Variants in BAHCC1 observed in about 807,000 individuals in gnomAD.
The protein encoded by BAHCC1 is BAH domain and coiled-coil containing 1, also known as BAH and coiled-coil domain-containing protein 1.
In BAHCC1, 43 loss-of-function variants were observed where a neutral mutation model predicts 88.2. That is an observed-to-expected ratio of 0.49 (90% CI 0.38 to 0.63). BAHCC1 has a LOEUF of 0.63. BAHCC1 is among the 20% of genes least tolerant of loss of function. The pLI, the probability that BAHCC1 is intolerant of heterozygous loss-of-function variation, is 0.00. For missense variants in BAHCC1, 3,023 were observed against 1,654.8 expected, an observed-to-expected ratio of 1.83 and a Z score of -14.34; for synonymous variants, 1,510 against 745.5, an observed-to-expected ratio of 2.03 and a Z score of -16.71.
rs782638151 is a variant in BAHCC1, at chr17:81,451,661, C to T, written c.3977-7C>T. ...TATGCCCATGCTGACCTTCCCATGCCGCACAGAGGAGGAAGAGGACGTGCT... is the reference window on the plus strand; with the variant it reads ...TATGCCCATGCTGACCTTCCCATGCTGCACAGAGGAGGAAGAGGACGTGCT... On this transcript the variant is annotated splice_polypyrimidine_tract_variant and splice_region_variant and intron_variant, in intron 11 of 27. Coordinates refer to ENST00000675386, the MANE Select transcript of BAHCC1 (RefSeq NM_001377448.1). 3.2e-5 allele frequency: 25 copies of T among 773,920 alleles called. No homozygotes were observed. Among genetic ancestry groups the T allele is most frequent in the South Asian group, 1.3e-4 (10 of 74,336 alleles). 47.9% of individuals were successfully genotyped at this position (773,920 alleles called of 1,614,324 possible).
In BAHCC1 at chr17:81,459,328, G is replaced by C; in HGVS notation, c.5796G>C (p.Ala1932=). ...IYSLEQLLQE[A]VLDVRPQSSR... is the part of the protein sequence containing the mutation. ...CACTGGAGCAGCTGCTGCAGGAAGC[G>C]GTGAGGACCGGGCCGGCCCGCCCCG... The change falls in exon 22 of 28, where the codon GCG becomes GCC. Residue 1932 remains alanine (A), a splice_region_variant and synonymous_variant. Transcript: ENST00000675386. 1 of 778,416 alleles carries C rather than the reference G, an allele frequency of 1.3e-6. No homozygotes were observed. Among genetic ancestry groups the C allele is most frequent in the Non-Finnish European group, 2.4e-6 (1 of 417,384 alleles). The allele number at this position is 778,416 out of a possible 1,614,324, so 48.2% of individuals were successfully genotyped here. A position where few individuals can be genotyped will look rare whatever the true frequency, so the allele number is the denominator to read the frequency against.
At chr17:81,431,607 A>C (rs900991991) in intron 3 of BAHCC1, among the ~76,000 whole-genome samples, 69 of 152,316 alleles carry the variant, frequency 4.5e-4, no homozygotes, top group African/African-American at 1.4e-3. Context: ...CAGGGTTCCC[A>C]GGACCAGCCC....
chr17:81,423,025 C>T (rs1555649781), intron 2 of BAHCC1, among the ~76,000 whole-genome samples: 2 of 152,190 alleles, frequency 1.3e-5, no homozygotes, highest in African/African-American at 4.8e-5. Flanking sequence ...GGCCCCGGCC[C>T]ATGGCAGTCC....
chr17:81,411,266 G>T lies in BAHCC1; in HGVS notation c.178+11349G>T. 2.1e-6 allele frequency: 1 copy of T among 477,520 alleles called. No individual in the cohort carries two copies. Among genetic ancestry groups the T allele is most frequent in the Non-Finnish European group, 4.2e-6 (1 of 239,662 alleles). The allele number at this position is 477,520 out of a possible 1,614,324, so 29.6% of individuals were successfully genotyped here. The stretch of plus-strand genomic sequence containing the variant: ...CCCCAGTTGAGCAGCTCCCCTTCTC[G>T]GCAGCTCCCAAACCCTGACCCCAGA... On this transcript the variant is annotated intron_variant, in intron 2 of 27. Transcript: ENST00000675386. This position sits in a 1 kb window ranked among gnomAD's most constrained non-coding sequence, Gnocchi z 6.2.
chr17:81,458,732 GC>G lies in BAHCC1; in HGVS notation c.5448+13del, dbSNP rs564545585. 1.0e-4 allele frequency: 74 copies of G among 736,962 alleles called. 1 individual carries two copies. In the Middle Eastern group the frequency reaches 1.6e-3, roughly 16 times the overall value. 45.7% of individuals were successfully genotyped at this position (736,962 alleles called of 1,614,324 possible). A position where few individuals can be genotyped will look rare whatever the true frequency, so the allele number is the denominator to read the frequency against. On this transcript the variant is annotated splice_region_variant and intron_variant, in intron 19 of 27. Coordinates refer to ENST00000675386, the MANE Select transcript of BAHCC1 (RefSeq NM_001377448.1). ...GCACAAGGCCGGCAAGCAGGTAGCA[GC>G]CCCCCACTCTGGGAGCCCACTGTGC...
At chr17:81,427,937 CCT>C (rs1440031762) in intron 3 of BAHCC1, among the ~76,000 whole-genome samples, 2 of 152,228 alleles carry the variant, frequency 1.3e-5, no homozygotes, top group African/African-American at 2.4e-5. Context: ...AGCAGAGAAA[CCT>C]CTCTTTGTGC....
Position 81,398,111 on chromosome 17 carries a change from C to T in BAHCC1, c.-206-1423C>T, listed in dbSNP as rs1036749718. On this transcript the variant is annotated intron_variant, in intron 1 of 27. Transcript: ENST00000675386. ...AAAACACAAGGTTTTCCGCAAAGTT[C>T]CTAATTAGGAATATCAAGCCTATCC... 2.0e-5 allele frequency among the ~76,000 whole-genome samples: 3 copies of T among 152,258 alleles called. No individual in the cohort carries two copies. In the East Asian group the frequency reaches 5.8e-4, roughly 29 times the overall value.
intron 2 of BAHCC1, chr17:81,402,436 G>C (rs1268879817): frequency 6.6e-6 from 1 of 152,228 alleles, no homozygotes; most frequent in African/African-American, 2.4e-5. Flanking sequence ...CTAGTTTAGA[G>C]AGAAAAAAGC....
Position 81,413,934 on chromosome 17 carries a change from G to A in BAHCC1, c.179-12866G>A, listed in dbSNP as rs189984496. 4.7e-3 allele frequency among the ~76,000 whole-genome samples: 721 copies of A among 152,326 alleles called. 5 individuals carry two copies. Among genetic ancestry groups the A allele is most frequent in the African/African-American group, 0.017 (690 of 41,578 alleles). ...CTGCCTGGGTGGGGTCCGCAGGTGCGTCAGCCACCCCGGGGGCTCCCCCAG... is the reference window on the plus strand; with the variant it reads ...CTGCCTGGGTGGGGTCCGCAGGTGCATCAGCCACCCCGGGGGCTCCCCCAG... On this transcript the variant is annotated intron_variant, in intron 2 of 27. Coordinates refer to ENST00000675386, the MANE Select transcript of BAHCC1 (RefSeq NM_001377448.1).
intron 14 of BAHCC1, among the ~76,000 whole-genome samples, chr17:81,453,935 G>A (rs1290831587): frequency 3.9e-5 from 6 of 152,260 alleles, no homozygotes; most frequent in African/African-American, 1.2e-4. Flanking sequence ...CTTCCTGCCT[G>A]GCCCCTCAGG....
In BAHCC1 at chr17:81,459,158, C is replaced by T. The variant is rs1267154293; in HGVS notation, c.5710C>T (p.Pro1904Ser). 2.6e-6 allele frequency: 2 copies of T among 769,192 alleles called. No individual in the cohort carries two copies. The highest frequency in any genetic ancestry group is 1.4e-5 in the South Asian group (1 of 73,384). 47.6% of individuals were successfully genotyped at this position (769,192 alleles called of 1,614,324 possible). The change falls in exon 21 of 28, where the codon CCA (proline) becomes TCA (serine). Residue 1904 changes from proline (P) to serine (S), a missense_variant. Transcript: ENST00000675386. The stretch of plus-strand genomic sequence containing the variant: ...CGCGGGCAGCGTCAGGACCCTGCAG[C>T]CACCCGACATGTGAGGCCTGGGCAT... ...LYAGSVRTLQ[P>S]PDIYSIVIEG...
chr17:81,408,169 C>G (rs560469794), intron 2 of BAHCC1, among the ~76,000 whole-genome samples: 17 of 152,332 alleles, frequency 1.1e-4, no homozygotes, highest in South Asian at 1.0e-3. Context: ...AGCTCTTGCT[C>G]GGCAGGAGGA....
chr17:81,449,644 C>T (rs1400400116), intron 11 of BAHCC1, among the ~76,000 whole-genome samples: 1 of 152,046 alleles, frequency 6.6e-6, no homozygotes, highest in African/African-American at 2.4e-5. Flanking sequence ...GATGTGCCTC[C>T]CCGGCTGCTG....
At chr17:81,421,314 C>G (rs2064113130) in intron 2 of BAHCC1, among the ~76,000 whole-genome samples, 1 of 152,240 alleles carries the variant, frequency 6.6e-6, no homozygotes, top group African/African-American at 2.4e-5. Flanking sequence ...GGCACAGGCT[C>G]TGTCTGGGGT....
At chr17:81,409,722 G>A (rs901680251) in intron 2 of BAHCC1, among the ~76,000 whole-genome samples, 26 of 152,184 alleles carry the variant, frequency 1.7e-4, no homozygotes, top group South Asian at 2.1e-4. Flanking sequence ...GGAGAAGGCC[G>A]GGTGTGAATC....
intron 26 of BAHCC1, among the ~76,000 whole-genome samples, chr17:81,462,339 T>C (rs1598518876): frequency 6.6e-6 from 1 of 152,286 alleles, no homozygotes; most frequent in Non-Finnish European, 1.5e-5. Flanking sequence ...CGTTGATAAG[T>C]GGCGTGGCCA....
intron 1 of BAHCC1, chr17:81,396,318 G>C (rs1301636388): frequency 3.3e-5 from 5 of 152,192 alleles, no homozygotes; most frequent in Non-Finnish European, 7.4e-5. Flanking sequence ...GTGGAGGAGG[G>C]GGACCGAGCA....
chr17:81,463,055 C>A (rs1244048744), intron 27 of BAHCC1, 79 bp downstream of exon 27: 2 of 697,876 alleles, frequency 2.9e-6, no homozygotes, highest in Non-Finnish European at 5.3e-6. Flanking sequence ...GCACTGTGCC[C>A]CAACACGGAG....
chr17:81,396,388 T>C (rs1159397693), intron 1 of BAHCC1: 2 of 152,022 alleles, frequency 1.3e-5, no homozygotes, highest in East Asian at 3.9e-4. Flanking sequence ...GGGGCTCGGG[T>C]CACGGCCCGT....
Sources: gnomAD v4.1 joint callset for allele counts (sites outside exome capture counted in the v4.1 genomes callset) on GRCh38, gnomAD v4.1.1 for gene constraint, Gnocchi (gnomAD v3.1) non-coding constraint, MANE v1.5 for transcripts, NCBI Gene and HGNC (gene_info 2026-07-23, HGNC 2026-07-21) for gene names.